SYN3: variants seen among roughly 807,000 people sequenced by gnomAD.
The protein encoded by SYN3 is synapsin III.
In SYN3, 35 loss-of-function variants were observed where a neutral mutation model predicts 65.8. The observed-to-expected ratio is 0.53, with a 90% CI of 0.41 to 0.70. The LOEUF is 0.70. Ranked by LOEUF, SYN3 falls within the 30% of genes least tolerant of loss-of-function variation. SYN3 has a pLI of 0.00. For missense variants in SYN3, 680 were observed against 749.0 expected (o/e 0.91, Z 1.08); for synonymous variants, 270 against 292.9 (o/e 0.92, Z 0.80).
At chr22:32,833,494 T>C (rs1189383072) in intron 6 of SYN3, among the ~76,000 whole-genome samples, 1 of 152,136 alleles carries the variant, frequency 6.6e-6, no homozygotes, top group Admixed American at 6.5e-5. Context: ...CACTGGGCAG[T>C]TTAACCTTGG....
intron 6 of SYN3, among the ~76,000 whole-genome samples, chr22:32,804,595 G>C (rs539499965): frequency 1.3e-5 from 2 of 152,286 alleles, no homozygotes. Context: ...GGTCCTCTCC[G>C]GGGGGCTGCC....
At chr22:32,991,500 G>T (rs2052716319) in intron 2 of SYN3, among the ~76,000 whole-genome samples, 1 of 152,136 alleles carries the variant, frequency 6.6e-6, no homozygotes, top group African/African-American at 2.4e-5. Context: ...TGCTGCCTCA[G>T]AGGAGGCATC....
rs564829465 is a variant in SYN3 at position 32,926,543 on chromosome 22, T to A, written c.461+4847A>T. On this transcript the variant is annotated intron_variant, in intron 4 of 13. Transcript: ENST00000358763. ...GCTTTTCACCTTCGAGTCTATTTTT[T>A]CCCCCAGACATTAATGCAGCTGCAT... is the stretch of plus-strand genomic sequence containing the variant. Among the ~76,000 whole-genome samples, 6 of 152,324 alleles carry A rather than the reference T, an allele frequency of 3.9e-5. No individual in the cohort carries two copies. In the East Asian group the frequency reaches 1.2e-3, roughly 29 times the overall value.
chr22:32,987,943 G>A (rs185155636), intron 2 of SYN3, among the ~76,000 whole-genome samples: 2 of 152,164 alleles, frequency 1.3e-5, no homozygotes, highest in African/African-American at 2.4e-5. Flanking sequence ...TAAAATGCAC[G>A]ACCAATGGAA....
rs117845578 is a variant in SYN3, at chr22:32,909,907, G to T, written c.461+21483C>A. 2.8e-4 allele frequency among the ~76,000 whole-genome samples: 42 copies of T among 152,240 alleles called. 1 individual carries two copies. The East Asian group carries it at 7.0e-3, about 25-fold the overall frequency. Reference sequence around the variant, plus strand: ...ACCTGTCAGCATTTGCATGAAGAGTGTACCCTAGTCAGACGCACATACAAG... The same window carrying T: ...ACCTGTCAGCATTTGCATGAAGAGTTTACCCTAGTCAGACGCACATACAAG... On this transcript the variant is annotated intron_variant, in intron 4 of 13. Coordinates refer to ENST00000358763, the MANE Select transcript of SYN3 (RefSeq NM_003490.4).
At chr22:32,773,934 G>T (rs2045840116) in intron 6 of SYN3, among the ~76,000 whole-genome samples, 1 of 152,198 alleles carries the variant, frequency 6.6e-6, no homozygotes, top group African/African-American at 2.4e-5. Flanking sequence ...AAGTGGACAA[G>T]GTTTGGAACG....
At chr22:32,879,638 A>G (rs2049074473) in intron 4 of SYN3, among the ~76,000 whole-genome samples, 1 of 152,228 alleles carries the variant, frequency 6.6e-6, no homozygotes, top group African/African-American at 2.4e-5. Flanking sequence ...TAATACCATC[A>G]CATTGAAGGT....
chr22:33,029,043 A>C (rs149432129), intron 1 of SYN3, among the ~76,000 whole-genome samples: 1,790 of 151,988 alleles, frequency 0.012, 43 homozygotes, highest in African/African-American at 0.041. Context: ...CTGTCTCAAA[A>C]AAAAAAAAGA....
intron 6 of SYN3, among the ~76,000 whole-genome samples, chr22:32,748,194 G>T (rs2044995773): frequency 6.6e-6 from 1 of 152,152 alleles, no homozygotes; most frequent in African/African-American, 2.4e-5. Context: ...ATATAAGAAT[G>T]AACTAGAACA....
chr22:33,020,129 G>C (rs1227848380), intron 1 of SYN3, among the ~76,000 whole-genome samples: 1 of 152,184 alleles, frequency 6.6e-6, no homozygotes, highest in Non-Finnish European at 1.5e-5. Context: ...CAGTCACATA[G>C]AGGCCCCAAA....
chr22:32,724,739 G>A lies in SYN3; in HGVS notation c.712-128003C>T, dbSNP rs184143060. Among the ~76,000 whole-genome samples the A allele has an allele frequency of 5.9e-5, 9 of 152,248 alleles. No individual in the cohort carries two copies. In the South Asian group the frequency reaches 6.2e-4, roughly 11 times the overall value. On this transcript the variant is annotated intron_variant, in intron 6 of 13. Transcript: ENST00000358763. ...AAATTTTGACATGTCTAGAAATGGC[G>A]CAAGAGAGGGAAGGATGCCATTAGG...
At chr22:32,764,308 A>G (rs973113480) in intron 6 of SYN3, among the ~76,000 whole-genome samples, 2 of 152,166 alleles carry the variant, frequency 1.3e-5, no homozygotes, top group African/African-American at 4.8e-5. Context: ...CAGAAACAAA[A>G]TGTCCCCGTT....
intron 7 of SYN3, among the ~76,000 whole-genome samples, chr22:32,553,601 T>C (rs1487969170): frequency 1.4e-5 from 2 of 145,036 alleles, no homozygotes; most frequent in Non-Finnish European, 3.0e-5. Context: ...AGTCAAGACC[T>C]AGCAGACTCA....
chr22:32,929,846 T>C (rs2146686873), intron 4 of SYN3, among the ~76,000 whole-genome samples: 1 of 152,308 alleles, frequency 6.6e-6, no homozygotes, highest in South Asian at 2.1e-4. Context: ...TTGGCTGATC[T>C]AGTGAATACT....
At chr22:32,996,905 A>G (rs2052896915) in intron 2 of SYN3, among the ~76,000 whole-genome samples, 1 of 152,168 alleles carries the variant, frequency 6.6e-6, no homozygotes, top group Admixed American at 6.5e-5. Context: ...GGTCACCGGA[A>G]TCCTGTGCTT....
At chr22:32,890,582 G>A (rs981861434) in intron 4 of SYN3, among the ~76,000 whole-genome samples, 4 of 151,694 alleles carry the variant, frequency 2.6e-5, no homozygotes, top group East Asian at 2.0e-4. Flanking sequence ...GGGTTTCACC[G>A]TGTTAGCCAG....
chr22:32,747,604 A>G (rs766930621), intron 6 of SYN3, among the ~76,000 whole-genome samples: 1 of 152,228 alleles, frequency 6.6e-6, no homozygotes. Flanking sequence ...ATAAGGAACC[A>G]ACTAAAAATC....
intron 6 of SYN3, among the ~76,000 whole-genome samples, chr22:32,751,012 T>C (rs536865476): frequency 1.7e-4 from 26 of 152,196 alleles, no homozygotes; most frequent in South Asian, 8.3e-4. Flanking sequence ...TTTCAAACCA[T>C]GACACCAGGT....
At chr22:32,925,863 G>GT (rs769706635) in intron 4 of SYN3, among the ~76,000 whole-genome samples, 2 of 51,846 alleles carry the variant, frequency 3.9e-5, no homozygotes, top group South Asian at 7.5e-4. Flanking sequence ...TGGGATAGTT[G>GT]TTCTTTTTTT....
Sources: gnomAD v4.1 joint callset for allele counts (sites outside exome capture counted in the v4.1 genomes callset) on GRCh38, gnomAD v4.1.1 for gene constraint, MANE v1.5 for transcripts, NCBI Gene and HGNC (gene_info 2026-07-23, HGNC 2026-07-21) for gene names.